LRP1B: variants seen among roughly 807,000 people sequenced by gnomAD.
LRP1B encodes the protein low-density lipoprotein receptor-related protein 1B.
LRP1B carries 217 observed loss-of-function variants against 556.6 expected under a neutral mutation model. The ratio of observed to expected loss-of-function variants is 0.39; its 90% CI spans 0.35 to 0.44. The LOEUF is 0.44. Among genes scored for constraint, LRP1B ranks in the 20% least tolerant of loss-of-function variants. LRP1B has a pLI of 1.00. For missense variants in LRP1B, 5,053 were observed against 5,620.8 expected (o/e 0.90, Z 3.23); for synonymous variants, 2,047 against 1,865.8 (o/e 1.10, Z -2.50).
In LRP1B at chr2:140,450,564, T is replaced by G; in HGVS notation, c.10057+4A>C. The G allele has an allele frequency of 6.2e-7, 1 of 1,600,952 alleles. No individual in the cohort carries two copies. Among genetic ancestry groups the G allele is most frequent in the East Asian group, 2.2e-5 (1 of 44,784 alleles). ...TAAATTTCAATATTTGCCAGTATAC[T>G]CACGACAGTCATCAGGTTCATCAGA... is the stretch of plus-strand genomic sequence containing the variant. On this transcript the variant is annotated splice_donor_region_variant and intron_variant, in intron 63 of 90. Transcript: ENST00000389484.
intron 60 of LRP1B, among the ~76,000 whole-genome samples, chr2:140,464,534 C>T (rs1420681892): frequency 6.6e-6 from 1 of 152,156 alleles, no homozygotes; most frequent in Non-Finnish European, 1.5e-5. Context: ...AACTGTAGTA[C>T]ACTTGTTTTG....
chr2:140,695,654 C>G (rs1686404757), intron 41 of LRP1B, among the ~76,000 whole-genome samples: 1 of 152,140 alleles, frequency 6.6e-6, no homozygotes, highest in Non-Finnish European at 1.5e-5. Flanking sequence ...TAAATCGTTA[C>G]TGTGGTTTTA....
chr2:140,286,933 CT>C (rs958398963), intron 84 of LRP1B, among the ~76,000 whole-genome samples: 3 of 151,506 alleles, frequency 2.0e-5, no homozygotes, highest in African/African-American at 7.2e-5. Flanking sequence ...GAAATATTAA[CT>C]TTTTTTTACA....
chr2:140,996,864 G>A (rs1018316049), intron 15 of LRP1B, among the ~76,000 whole-genome samples: 15 of 151,972 alleles, frequency 9.9e-5, no homozygotes, highest in African/African-American at 3.6e-4. Flanking sequence ...TCAAAAGAGT[G>A]AATATATAAA....
intron 77 of LRP1B, among the ~76,000 whole-genome samples, chr2:140,338,030 G>A (rs1681183681): frequency 1.3e-5 from 2 of 151,154 alleles, no homozygotes; most frequent in Admixed American, 6.6e-5. Flanking sequence ...ATAAATTTAG[G>A]TCACATTTCT....
chr2:140,877,356 T>C (rs1019454623), intron 25 of LRP1B, among the ~76,000 whole-genome samples: 7 of 152,134 alleles, frequency 4.6e-5, no homozygotes, highest in Admixed American at 1.3e-4. Context: ...CTGCTAAAAA[T>C]GAGCTTTCCT....
At chr2:140,319,688 A>G (rs12692048) in intron 82 of LRP1B, among the ~76,000 whole-genome samples, 67,500 of 151,740 alleles carry the variant, frequency 0.44, 15,737 homozygotes, top group Non-Finnish European at 0.53. Context: ...CTTAATACCT[A>G]GGTGATACTT....
intron 7 of LRP1B, among the ~76,000 whole-genome samples, chr2:141,127,858 T>G (rs1701254202): frequency 6.6e-6 from 1 of 152,316 alleles, no homozygotes; most frequent in South Asian, 2.1e-4. Context: ...TTTTCCTGGT[T>G]TACTCTCTCT....
At chr2:141,453,724 C>A (rs1176074099) in intron 3 of LRP1B, among the ~76,000 whole-genome samples, 1 of 152,022 alleles carries the variant, frequency 6.6e-6, no homozygotes, top group African/African-American at 2.4e-5. Flanking sequence ...TTGAGACCAG[C>A]CTGGCCAAAA....
chr2:140,922,168 C>T (rs572213152), intron 21 of LRP1B, among the ~76,000 whole-genome samples: 11 of 151,858 alleles, frequency 7.2e-5, no homozygotes, highest in African/African-American at 2.2e-4. Flanking sequence ...TGGCATAAAG[C>T]GGGAAGAAAA....
chr2:141,885,468 T>C (rs1264196054), intron 1 of LRP1B, among the ~76,000 whole-genome samples: 1 of 151,192 alleles, frequency 6.6e-6, no homozygotes, highest in Admixed American at 6.6e-5. Context: ...TGATGGAGTC[T>C]TCTTTTTGTA....
chr2:140,847,187 G>T (rs568914915), intron 29 of LRP1B, among the ~76,000 whole-genome samples: 43 of 152,252 alleles, frequency 2.8e-4, no homozygotes, highest in Non-Finnish European at 5.4e-4. Context: ...GTCTCTCAGA[G>T]TTCACTGCTC....
Position 140,762,148 on chromosome 2 carries a change from A to G in LRP1B, c.5758+7065T>C, listed in dbSNP as rs973287033. Among the ~76,000 whole-genome samples the G allele has an allele frequency of 4.6e-5, 7 of 152,090 alleles. No homozygotes were observed. In the East Asian group the frequency reaches 1.4e-3, roughly 29 times the overall value. ...CTAATATGGCCTGTCTTTCCCAATC[A>G]TAATTACAACAAGATTAAAATTCTC... On this transcript the variant is annotated intron_variant, in intron 35 of 90. Transcript: ENST00000389484.
chr2:141,276,658 C>CTTTTTTT, intron 3 of LRP1B, among the ~76,000 whole-genome samples: 1 of 122,924 alleles, frequency 8.1e-6, no homozygotes, highest in Non-Finnish European at 1.7e-5. Context: ...TTCTTTCTTT[C>CTTTTTTT]TTTTTTTTTT....
chr2:140,929,516 A>G (rs1694985725), intron 20 of LRP1B, among the ~76,000 whole-genome samples: 1 of 152,100 alleles, frequency 6.6e-6, no homozygotes, highest in Admixed American at 6.6e-5. Context: ...AGATCTTGAA[A>G]GATCTTGTGT....
chr2:140,739,556 A>T (rs1688067516), intron 35 of LRP1B, among the ~76,000 whole-genome samples: 1 of 152,210 alleles, frequency 6.6e-6, no homozygotes, highest in Non-Finnish European at 1.5e-5. Context: ...GATTAAACTT[A>T]AACAAACGCC....
intron 8 of LRP1B, among the ~76,000 whole-genome samples, chr2:141,059,533 G>A (rs997463599): frequency 1.3e-5 from 2 of 151,600 alleles, no homozygotes; most frequent in Non-Finnish European, 3.0e-5. Flanking sequence ...CCAACTTTTT[G>A]GTCCCAATCT....
chr2:141,072,140 C>T lies in LRP1B; in HGVS notation c.1014-9867G>A, dbSNP rs546393081. On this transcript the variant is annotated intron_variant, in intron 7 of 90. Coordinates refer to ENST00000389484, the MANE Select transcript of LRP1B (RefSeq NM_018557.3). ...AACCCTTCTGATCTGCATTCTGAAA[C>T]CTTCACTCCATGATCAAGCTCCATA... Among the ~76,000 whole-genome samples the T allele has an allele frequency of 5.9e-5, 9 of 152,172 alleles. No individual in the cohort carries two copies. In the South Asian group the frequency reaches 6.2e-4, roughly 11 times the overall value.
At chr2:141,152,274 G>A (rs932618293) in intron 7 of LRP1B, among the ~76,000 whole-genome samples, 1 of 151,984 alleles carries the variant, frequency 6.6e-6, no homozygotes, top group Admixed American at 6.6e-5. Context: ...TAGTGAGAAT[G>A]TTTGTAAAAC....
Sources: allele counts gnomAD v4.1 joint callset (sites outside exome capture counted in the v4.1 genomes callset), GRCh38; gene constraint gnomAD v4.1.1; transcripts MANE v1.5; gene names NCBI Gene and HGNC (gene_info 2026-07-23, HGNC 2026-07-21).